The following BCAS1 variants were observed in gnomAD, a reference collection of about 807,000 sequenced individuals.
BCAS1 encodes brain enriched myelin associated protein 1, also known as breast carcinoma-amplified sequence 1.
Under a neutral mutation model 65.4 loss-of-function variants are expected in BCAS1, and 46 were observed. The observed-to-expected ratio is 0.70, with a 90% CI of 0.55 to 0.90. The LOEUF (loss-of-function observed/expected upper bound fraction) is 0.90. Among genes scored for constraint, BCAS1 ranks in the 40% least tolerant of loss-of-function variants. BCAS1 has a pLI of 0.00. For synonymous variants in BCAS1, 298 were observed against 293.5 expected (o/e 1.02, Z -0.16); for missense variants, 793 against 771.2 (o/e 1.03, Z -0.33).
chr20:53,953,358 G>T, intron 12 of BCAS1, 74 bp downstream of exon 12: 2 of 1,568,016 alleles, frequency 1.3e-6, no homozygotes, highest in Non-Finnish European at 1.7e-6. Context: ...TGTAGAATTT[G>T]AAAAACTGAC....
intron 1 of BCAS1, among the ~76,000 whole-genome samples, chr20:54,066,703 C>T (rs2092448476): frequency 6.6e-6 from 1 of 152,184 alleles, no homozygotes; most frequent in South Asian, 2.1e-4. Flanking sequence ...AGAGTGGTCT[C>T]ACCAGAAATG....
intron 3 of BCAS1, among the ~76,000 whole-genome samples, chr20:54,045,001 A>G (rs2062461686): frequency 6.6e-6 from 1 of 152,092 alleles, no homozygotes; most frequent in African/African-American, 2.4e-5. Flanking sequence ...ACTTGAGCCC[A>G]GGAGTTTGAG....
In BCAS1 at chr20:53,944,951, A is replaced by G. The variant is rs761433334; in HGVS notation, c.1861T>C (p.Ser621Pro). 3 of 1,614,074 alleles carry G rather than the reference A, an allele frequency of 1.9e-6. No individual in the cohort carries two copies. Among genetic ancestry groups the G allele is most frequent in the Non-Finnish European group, 2.5e-6 (3 of 1,180,014 alleles). ...TTGGATTTGCCAACTGGTCCGATGG[A>G]TACTGGGTCTGTTTGCACTTGAGCA... ...LDAQVQTDPV[S>P]IGPVGKSK The change falls in exon 13 of 13, where the codon TCC becomes CCC. Residue 621 changes from serine to proline, a missense_variant. By Grantham distance (74) the Ser-to-Pro change is moderately conservative (BLOSUM62 -1). Coordinates refer to ENST00000688948, the MANE Select transcript of BCAS1 (RefSeq NM_001366298.2).
chr20:54,034,802 C>T (rs928687074), intron 3 of BCAS1, among the ~76,000 whole-genome samples: 6 of 151,114 alleles, frequency 4.0e-5, no homozygotes, highest in Non-Finnish European at 7.4e-5. Context: ...TCATATAGAA[C>T]CCAGAAAAGA....
Position 53,994,995 on chromosome 20 carries a change from C to G in BCAS1, c.927+17G>C, listed in dbSNP as rs539646642. On this transcript the variant is annotated intron_variant, in intron 6 of 12. Coordinates refer to ENST00000688948, the MANE Select transcript of BCAS1 (RefSeq NM_001366298.2). Reference sequence around the variant, plus strand: ...GCGCAAACCCAAATATATACATACACACTTCCAACTACCTACCGTGTCTTC... The same window carrying G: ...GCGCAAACCCAAATATATACATACAGACTTCCAACTACCTACCGTGTCTTC... 9.3e-6 allele frequency: 15 copies of G among 1,610,914 alleles called. No homozygotes were observed. In the East Asian group the frequency reaches 3.1e-4, roughly 34 times the overall value.
chr20:54,006,347 G>A (rs2091189333), intron 4 of BCAS1, among the ~76,000 whole-genome samples: 1 of 152,194 alleles, frequency 6.6e-6, no homozygotes, highest in African/African-American at 2.4e-5. Flanking sequence ...CTCAGGCCAT[G>A]GTCAAGGCAG....
chr20:53,969,911 A>G (rs2090136090), intron 9 of BCAS1, among the ~76,000 whole-genome samples: 1 of 152,168 alleles, frequency 6.6e-6, no homozygotes, highest in Non-Finnish European at 1.5e-5. Context: ...GCTACTTACT[A>G]GTGAAGAAAA....
Position 53,975,502 on chromosome 20 carries a change from G to T in BCAS1, c.1276-72C>A, listed in dbSNP as rs2145701175. Reference sequence around the variant, plus strand: ...ACAAAATTGTTACATAAAAGCAAAGGGTTAGTTGGGCTCACAGTCTTGGGG... The same window carrying T: ...ACAAAATTGTTACATAAAAGCAAAGTGTTAGTTGGGCTCACAGTCTTGGGG... On this transcript the variant is annotated intron_variant, in intron 8 of 12. Coordinates refer to ENST00000688948, the MANE Select transcript of BCAS1 (RefSeq NM_001366298.2). 3 of 1,286,088 alleles carry T rather than the reference G, an allele frequency of 2.3e-6. No homozygotes were observed. The East Asian group carries it at 7.2e-5, about 31-fold the overall frequency. 79.7% of individuals were successfully genotyped at this position (1,286,088 alleles called of 1,614,324 possible). A position where few individuals can be genotyped will look rare whatever the true frequency, so the allele number is the denominator to read the frequency against.
At chr20:53,968,927 A>G (rs1600734014) in intron 9 of BCAS1, among the ~76,000 whole-genome samples, 1 of 152,234 alleles carries the variant, frequency 6.6e-6, no homozygotes, top group Non-Finnish European at 1.5e-5. Context: ...TGGAGACTGG[A>G]GCCATATCAG....
chr20:54,009,370 AAG>A (rs1446456790), intron 4 of BCAS1, among the ~76,000 whole-genome samples: 1 of 152,140 alleles, frequency 6.6e-6, no homozygotes, highest in East Asian at 1.9e-4. Flanking sequence ...GACAACAAAA[AAG>A]AGAGAGCAAG....
chr20:54,019,867 A>G (rs1214657023), intron 4 of BCAS1, among the ~76,000 whole-genome samples: 1 of 152,182 alleles, frequency 6.6e-6, no homozygotes, highest in Non-Finnish European at 1.5e-5. Context: ...TGACGGCTGC[A>G]CTGTCGGCCT....
At chr20:54,051,883 CGT>C (rs894068307) in intron 3 of BCAS1, among the ~76,000 whole-genome samples, 1 of 152,024 alleles carries the variant, frequency 6.6e-6, no homozygotes, top group Non-Finnish European at 1.5e-5. Flanking sequence ...GGATTACAGA[CGT>C]GTGTCACCAC....
chr20:53,959,873 A>T (rs1459348991), intron 10 of BCAS1, among the ~76,000 whole-genome samples: 1 of 152,208 alleles, frequency 6.6e-6, no homozygotes. Flanking sequence ...ATTGTTCTAC[A>T]AAGGCCAGTC....
At chr20:54,065,437 C>T (rs1349729429) in intron 1 of BCAS1, among the ~76,000 whole-genome samples, 1 of 152,226 alleles carries the variant, frequency 6.6e-6, no homozygotes, top group Non-Finnish European at 1.5e-5. Flanking sequence ...GAAATGCCTG[C>T]ATGCAGTTTT....
In BCAS1 at chr20:54,016,941, A is replaced by G. The variant is rs147081975; in HGVS notation, c.723+11451T>C. 2.6e-3 allele frequency among the ~76,000 whole-genome samples: 391 copies of G among 152,292 alleles called. 2 individuals are homozygous for G. The highest frequency in any genetic ancestry group is 9.2e-3 in the African/African-American group (384 of 41,558). On this transcript the variant is annotated intron_variant, in intron 4 of 12. Transcript: ENST00000688948. ...TCACAACATCACTACCTGTTTTACT[A>G]CCCTGTGGACATAACCTCAGGATAC...
Position 53,944,997 on chromosome 20 carries a change from C to A in BCAS1, c.1816-1G>T, listed in dbSNP as rs368523547. The A allele has an allele frequency of 6.2e-7, 1 of 1,613,912 alleles. No individual in the cohort carries two copies. The highest frequency in any genetic ancestry group is 8.5e-7 in the Non-Finnish European group (1 of 1,179,974). ...GAGCATCCAACATCCGCTTTGGTCC[C>A]TGGAGAAAAACAGAAAGACGTGGCA... On this transcript the variant is annotated splice_acceptor_variant, in intron 12 of 12. Transcript: ENST00000688948. LOFTEE classifies it high-confidence loss of function.
rs566796457 is a variant in BCAS1 at position 54,031,044 on chromosome 20, T to G, written c.143-2072A>C. ...AGGGTATGGTTGACAAAAAGGGAAATGCTAAGATTCAAAACAGGGAAGGGC... is the reference window on the plus strand; with the variant it reads ...AGGGTATGGTTGACAAAAAGGGAAAGGCTAAGATTCAAAACAGGGAAGGGC... On this transcript the variant is annotated intron_variant, in intron 3 of 12. Coordinates refer to ENST00000688948, the MANE Select transcript of BCAS1 (RefSeq NM_001366298.2). 4.0e-4 allele frequency among the ~76,000 whole-genome samples: 61 copies of G among 151,158 alleles called. 3 individuals carry two copies. Among genetic ancestry groups the G allele is most frequent in the Middle Eastern group, 3.5e-3 (1 of 288 alleles).
intron 8 of BCAS1, among the ~76,000 whole-genome samples, chr20:53,983,080 G>C (rs1313588066): frequency 1.3e-5 from 2 of 152,214 alleles, no homozygotes; most frequent in Non-Finnish European, 2.9e-5. Context: ...TTAGGGAGAT[G>C]AATGTCAAGT....
chr20:53,958,467 G>C (rs1205623424), intron 10 of BCAS1, among the ~76,000 whole-genome samples: 1 of 152,244 alleles, frequency 6.6e-6, no homozygotes, highest in Non-Finnish European at 1.5e-5. Context: ...CAAAGAGGAA[G>C]ACTCCAGATT....
Sources: allele counts gnomAD v4.1 joint callset (sites outside exome capture counted in the v4.1 genomes callset), GRCh38; gene constraint gnomAD v4.1.1; transcripts MANE v1.5; gene names NCBI Gene and HGNC (gene_info 2026-07-23, HGNC 2026-07-21).